The following CWC27 variants were observed in gnomAD, a reference collection of about 807,000 sequenced individuals.
The protein encoded by CWC27 is CWC27 spliceosome associated cyclophilin.
In CWC27, 47 loss-of-function variants were observed where a neutral mutation model predicts 63.6. That is an observed-to-expected ratio of 0.74 (90% confidence interval 0.58 to 0.94). CWC27 has a LOEUF of 0.94. Ranked by LOEUF, CWC27 falls within the 40% of genes least tolerant of loss-of-function variation. The pLI, the probability that CWC27 is intolerant of heterozygous loss-of-function variation, is 0.00. For synonymous variants in CWC27, 175 were observed against 179.8 expected (o/e 0.97, Z 0.22); for missense variants, 495 against 554.3 (o/e 0.89, Z 1.07).
intron 13 of CWC27, among the ~76,000 whole-genome samples, chr5:64,981,642 T>C (rs894351546): frequency 6.6e-6 from 1 of 152,196 alleles, no homozygotes; most frequent in Non-Finnish European, 1.5e-5. Context: ...TCATTCTAAT[T>C]TGTACTCCAA....
intron 10 of CWC27, among the ~76,000 whole-genome samples, chr5:64,856,243 T>A (rs1004099224): frequency 3.9e-5 from 6 of 152,098 alleles, no homozygotes; most frequent in Admixed American, 6.5e-5. Flanking sequence ...AAAATACTTT[T>A]TTTAAATGGT....
intron 11 of CWC27, among the ~76,000 whole-genome samples, chr5:64,908,165 G>T (rs911506747): frequency 1.3e-5 from 2 of 152,186 alleles, no homozygotes; most frequent in Non-Finnish European, 2.9e-5. Flanking sequence ...TCAGGAGCAG[G>T]TTGTTTAGTT....
At chr5:64,910,532 G>A (rs1747762180) in intron 11 of CWC27, among the ~76,000 whole-genome samples, 1 of 152,350 alleles carries the variant, frequency 6.6e-6, no homozygotes, top group South Asian at 2.1e-4. Flanking sequence ...GCTGCCTTTA[G>A]TTCATCTATG....
intron 10 of CWC27, among the ~76,000 whole-genome samples, chr5:64,829,659 T>TTTTTA (rs925838055): frequency 6.6e-6 from 1 of 151,208 alleles, no homozygotes; most frequent in Non-Finnish European, 1.5e-5. Context: ...TTTTTTTTTT[T>TTTTTA]TTACTATAAG....
rs376994878 is a variant in CWC27, at chr5:64,933,771, G to A, written c.1043-37932G>A. ...CTCCCAAAGTGCTGGGATTACAGGC[G>A]TGAGCCACCACGCCTAGCCACATGC... is the stretch of plus-strand genomic sequence containing the variant. On this transcript the variant is annotated intron_variant, in intron 11 of 13. Transcript: ENST00000381070. 1.1e-3 allele frequency among the ~76,000 whole-genome samples: 161 copies of A among 152,160 alleles called. 1 individual carries two copies. Among genetic ancestry groups the A allele is most frequent in the African/African-American group, 3.7e-3 (153 of 41,526 alleles).
intron 10 of CWC27, among the ~76,000 whole-genome samples, chr5:64,845,775 T>A (rs2080814729): frequency 6.6e-6 from 1 of 152,052 alleles, no homozygotes; most frequent in Non-Finnish European, 1.5e-5. Context: ...CATACTAGGA[T>A]TTGCAAAAGA....
intron 10 of CWC27, among the ~76,000 whole-genome samples, chr5:64,858,230 C>G (rs1169579167): frequency 6.9e-6 from 1 of 144,492 alleles, no homozygotes; most frequent in Non-Finnish European, 1.5e-5. Flanking sequence ...GGGGCCGAGG[C>G]GGGCGGATCA....
chr5:64,999,971 C>A (rs1475236890), intron 13 of CWC27, among the ~76,000 whole-genome samples: 1 of 152,020 alleles, frequency 6.6e-6, no homozygotes, highest in Non-Finnish European at 1.5e-5. Flanking sequence ...ATAAGAGTTA[C>A]CTTTCTCTGC....
intron 11 of CWC27, among the ~76,000 whole-genome samples, chr5:64,957,396 G>A (rs756971938): frequency 7.2e-5 from 11 of 152,160 alleles, no homozygotes; most frequent in East Asian, 1.9e-4. Context: ...CAAGAATTGC[G>A]GATCACACCA....
At chr5:64,897,570 C>T (rs142715124) in intron 11 of CWC27, among the ~76,000 whole-genome samples, 65 of 152,212 alleles carry the variant, frequency 4.3e-4, no homozygotes, top group Non-Finnish European at 2.8e-4. Context: ...GAACAGGGAA[C>T]ATCACACACC....
At chr5:64,828,484 C>T (rs1745427590) in intron 10 of CWC27, among the ~76,000 whole-genome samples, 1 of 151,912 alleles carries the variant, frequency 6.6e-6, no homozygotes, top group Non-Finnish European at 1.5e-5. Flanking sequence ...CAGGCACTGG[C>T]AGATTTAATG....
At chr5:64,923,051 G>T (rs572040147) in intron 11 of CWC27, among the ~76,000 whole-genome samples, 46 of 152,270 alleles carry the variant, frequency 3.0e-4, no homozygotes, top group East Asian at 1.7e-3. Context: ...GGTGCTGTGT[G>T]CATAAGTGCT....
intron 11 of CWC27, among the ~76,000 whole-genome samples, chr5:64,949,945 G>A (rs1244655957): frequency 1.3e-5 from 2 of 151,892 alleles, no homozygotes; most frequent in African/African-American, 4.8e-5. Flanking sequence ...ACTTTTTGAA[G>A]CTCCCCAGGT....
At chr5:64,964,092 A>G (rs1324383898) in intron 11 of CWC27, among the ~76,000 whole-genome samples, 2 of 152,214 alleles carry the variant, frequency 1.3e-5, no homozygotes, top group Non-Finnish European at 2.9e-5. Flanking sequence ...GCTGGATTGG[A>G]TCAGTCTTTC....
At chr5:64,958,969 A>T (rs978159042) in intron 11 of CWC27, among the ~76,000 whole-genome samples, 3 of 152,188 alleles carry the variant, frequency 2.0e-5, no homozygotes, top group African/African-American at 7.2e-5. Flanking sequence ...ATGAACCTTT[A>T]GGAGGCTTAT....
chr5:64,849,676 T>A (rs1355197191), intron 10 of CWC27, among the ~76,000 whole-genome samples: 1 of 148,870 alleles, frequency 6.7e-6, no homozygotes, highest in Non-Finnish European at 1.5e-5. Flanking sequence ...CAAATTGTAA[T>A]TCCCCCATGT....
chr5:64,840,476 A>G (rs1745803658), intron 10 of CWC27, among the ~76,000 whole-genome samples: 1 of 144,520 alleles, frequency 6.9e-6, no homozygotes, highest in African/African-American at 2.5e-5. Flanking sequence ...AAAAATGGAA[A>G]AAAAACTTTT....
At chr5:64,872,822 A>G (rs1427463159) in intron 10 of CWC27, among the ~76,000 whole-genome samples, 1 of 152,128 alleles carries the variant, frequency 6.6e-6, no homozygotes, top group Non-Finnish European at 1.5e-5. Context: ...TCTGTGTGCT[A>G]TATTTTAGAC....
Position 64,783,848 on chromosome 5 carries a change from T to C in CWC27, c.265T>C (p.Ser89Pro), listed in dbSNP as rs138235746. The stretch of plus-strand genomic sequence containing the variant: ...TTTTACATTTCAGGATGAATTTCAT[T>C]CACGGTTGCGTTTTAATCGGAGAGG... ...YGAPFKDEFH[S>P]RLRFNRRGLV... is the part of the protein sequence containing the mutation. Residue 89 changes from serine (S) to proline (P), a missense_variant, in exon 4 of 14, where the codon TCA becomes CCA. Ser to Pro is a moderately conservative substitution (Grantham distance 74, BLOSUM62 -1). Transcript: ENST00000381070. 5 of 1,576,556 alleles carry C rather than the reference T, an allele frequency of 3.2e-6. No individual in the cohort carries two copies. The African/African-American group carries it at 5.5e-5, about 17-fold the overall frequency.
Sources: allele counts gnomAD v4.1 joint callset (sites outside exome capture counted in the v4.1 genomes callset), GRCh38; gene constraint gnomAD v4.1.1; transcripts MANE v1.5; gene names NCBI Gene and HGNC (gene_info 2026-07-23, HGNC 2026-07-21).